The following ZNF460 variants were observed in gnomAD, a reference collection of about 807,000 sequenced individuals.
ZNF460 encodes the protein zinc finger protein 460.
A neutral mutation model predicts 8.4 loss-of-function variants in ZNF460; 1 was observed. That is an observed-to-expected ratio of 0.12 (90% CI 0.04 to 0.56). The LOEUF (loss-of-function observed/expected upper bound fraction) is 0.56, where lower values mean the gene tolerates loss of function less well. Ranked by LOEUF, ZNF460 falls within the 20% of genes least tolerant of loss-of-function variation. The pLI is 0.91. For synonymous variants in ZNF460, 262 were observed against 259.9 expected, an observed-to-expected ratio of 1.01 and a Z score of -0.08; for missense variants, 477 against 714.8, an observed-to-expected ratio of 0.67 and a Z score of 3.79.
At chr19:57,289,236 C>T (rs2046392442) in intron 2 of ZNF460, among the ~76,000 whole-genome samples, 1 of 152,108 alleles carries the variant, frequency 6.6e-6, no homozygotes, top group African/African-American at 2.4e-5. Context: ...GGATTCTGTT[C>T]ACCCTCTGTC....
intron 1 of ZNF460, among the ~76,000 whole-genome samples, chr19:57,283,011 A>G (rs1285192754): frequency 1.3e-5 from 2 of 151,646 alleles, no homozygotes; most frequent in African/African-American, 2.4e-5. Context: ...AGAGAGAGAC[A>G]TGAACACATG....
At position 57,280,709 on chromosome 19, in the gene ZNF460, T is replaced by C. The variant is rs1426981679; in HGVS notation, c.-98T>C. The C allele has an allele frequency of 6.5e-7, 1 of 1,547,936 alleles. No homozygotes were observed. The highest frequency in any genetic ancestry group is 1.9e-5 in the Admixed American group (1 of 53,382). On this transcript the variant is annotated 5_prime_UTR_variant, in exon 1 of 3. Coordinates refer to ENST00000360338, the MANE Select transcript of ZNF460 (RefSeq NM_006635.4). ...GCCTTGGGCCTTGTGCGCATTTTTT[T>C]CGGGGGAAAACTGAGGCTCGGAGTG...
Position 57,284,235 on chromosome 19 carries a change from A to T in ZNF460, c.31-316A>T, listed in dbSNP as rs7245755. Among the ~76,000 whole-genome samples the T allele has an allele frequency of 0.028, 4,161 of 148,306 alleles. 79 individuals are homozygous for T. The highest frequency in any genetic ancestry group is 0.055 in the South Asian group (257 of 4,698). ...TTATTTATTTTTTATTTATTTATTT[A>T]TTTTTTTTTGAGACAGAGTCTTGCT... On this transcript the variant is annotated intron_variant, in intron 1 of 2. Coordinates refer to ENST00000360338, the MANE Select transcript of ZNF460 (RefSeq NM_006635.4).
chr19:57,291,557 T>C lies in ZNF460; in HGVS notation c.1016T>C (p.Leu339Pro). ...IHTGERPFKC[L>P]ECGKAFNCRS... ...ACTGGGGAGAGGCCCTTTAAGTGCC[T>C]TGAGTGTGGGAAGGCCTTCAACTGC... The change falls in exon 3 of 3, where the codon CTT (leucine) becomes CCT (proline). Residue 339 changes from leucine (L) to proline (P), a missense_variant. By Grantham distance (98) the Leu-to-Pro change is moderately conservative. This residue lies in a region of ZNF460 where 193 missense variants were observed against 391.7 expected (regional missense o/e 0.49). Coordinates refer to ENST00000360338, the MANE Select transcript of ZNF460 (RefSeq NM_006635.4). This position sits in a 1 kb window ranked among gnomAD's most constrained non-coding sequence, Gnocchi z 8.4. 1 of 1,613,952 alleles carries C rather than the reference T, an allele frequency of 6.2e-7. No homozygotes were observed. Among genetic ancestry groups the C allele is most frequent in the South Asian group, 1.1e-5 (1 of 91,078 alleles).
rs71293946 is a variant in ZNF460, at chr19:57,281,556, A to ATTTT, written c.30+744_30+747dup. On this transcript the variant is annotated intron_variant, in intron 1 of 2. Coordinates refer to ENST00000360338, the MANE Select transcript of ZNF460 (RefSeq NM_006635.4). ...AACCCTCAGTTCGTTTAACCCTGAAATTTTTTTTTTTTTTTTTTTTTTTTT... is the reference window on the plus strand; with the variant it reads ...AACCCTCAGTTCGTTTAACCCTGAAATTTTTTTTTTTTTTTTTTTTTTTTTTTTT... 1.2e-3 allele frequency among the ~76,000 whole-genome samples: 102 copies of ATTTT among 85,064 alleles called. 10 individuals are homozygous for ATTTT. Among genetic ancestry groups the ATTTT allele is most frequent in the African/African-American group, 3.9e-3 (80 of 20,542 alleles). The allele number at this position is 85,064 out of a possible 152,430, so 55.8% of individuals were successfully genotyped here.
intron 2 of ZNF460, among the ~76,000 whole-genome samples, chr19:57,284,943 A>G (rs2087869051): frequency 6.6e-6 from 1 of 151,732 alleles, no homozygotes; most frequent in African/African-American, 2.4e-5. Context: ...CAGCCTCCAG[A>G]GTAGCTGGGA....
Position 57,292,439 on chromosome 19 carries a change from G to A in ZNF460, c.*209G>A. 3.6e-6 allele frequency: 2 copies of A among 561,218 alleles called. No homozygotes were observed. Among genetic ancestry groups the A allele is most frequent in the Non-Finnish European group, 6.2e-6 (2 of 320,632 alleles). The allele number at this position is 561,218 out of a possible 1,614,324, so 34.8% of individuals were successfully genotyped here. ...CATCATTTGTCATCTAAACAATTATGTTAGAAATTGACACAGCCAAGAGTC... is the reference window on the plus strand; with the variant it reads ...CATCATTTGTCATCTAAACAATTATATTAGAAATTGACACAGCCAAGAGTC... On this transcript the variant is annotated 3_prime_UTR_variant, in exon 3 of 3. Coordinates refer to ENST00000360338, the MANE Select transcript of ZNF460 (RefSeq NM_006635.4).
At position 57,293,273 on chromosome 19, in the gene ZNF460, G is replaced by T. The variant is rs1325307065; in HGVS notation, c.*1043G>T. On this transcript the variant is annotated 3_prime_UTR_variant, in exon 3 of 3. Coordinates refer to ENST00000360338, the MANE Select transcript of ZNF460 (RefSeq NM_006635.4). ...TAGCTAAAGTAAGTTAAAAGATTAT[G>T]ATAAACTCAGAAAATAAACACAGAG... 1 of 152,142 alleles carries T rather than the reference G, an allele frequency of 6.6e-6. No individual in the cohort carries two copies. The highest frequency in any genetic ancestry group is 1.5e-5 in the Non-Finnish European group (1 of 68,022). The allele number at this position is 152,142 out of a possible 1,614,324, so 9.4% of individuals were successfully genotyped here.
intron 1 of ZNF460, among the ~76,000 whole-genome samples, chr19:57,283,986 C>A (rs2087860957): frequency 6.6e-6 from 1 of 152,038 alleles, no homozygotes; most frequent in African/African-American, 2.4e-5. Flanking sequence ...GGCATGTAAA[C>A]CTGTCAGCAT....
chr19:57,284,813 ATTT>A (rs755694218), intron 2 of ZNF460, 136 bp downstream of exon 2: 3,458 of 628,752 alleles, frequency 5.5e-3, no homozygotes, highest in East Asian at 9.3e-3. Flanking sequence ...GCTTTACTCT[ATTT>A]TTTTTTTTTT....
intron 1 of ZNF460, among the ~76,000 whole-genome samples, chr19:57,282,268 G>A (rs2122881946): frequency 6.6e-6 from 1 of 152,320 alleles, no homozygotes; most frequent in South Asian, 2.1e-4. Flanking sequence ...GTATGGTTAT[G>A]TTGCTGAATG....
chr19:57,280,472 C>G (rs1337483528), upstream of ZNF460: 1 of 340,788 alleles, frequency 2.9e-6, no homozygotes, highest in East Asian at 5.6e-5. Flanking sequence ...TCTCCGTGGG[C>G]CGGTTTGGCC....
At chr19:57,289,075 G>T (rs1370358516) in intron 2 of ZNF460, among the ~76,000 whole-genome samples, 1 of 151,662 alleles carries the variant, frequency 6.6e-6, no homozygotes, top group African/African-American at 2.4e-5. Flanking sequence ...AGTTTTTAGA[G>T]AATTGATAAT....
chr19:57,288,004 CA>C (rs918322683), intron 2 of ZNF460, among the ~76,000 whole-genome samples: 3 of 150,748 alleles, frequency 2.0e-5, no homozygotes, highest in Non-Finnish European at 4.4e-5. Flanking sequence ...AACAAACAAA[CA>C]AAAAAAACCA....
intron 1 of ZNF460, chr19:57,282,000 CTCT>C (rs2087844068): frequency 6.6e-6 from 1 of 152,196 alleles, no homozygotes; most frequent in Non-Finnish European, 1.5e-5. Context: ...TGTTTTTACC[CTCT>C]TCTTTACCCG....
intron 1 of ZNF460, chr19:57,281,852 T>C (rs1261606201): frequency 6.6e-6 from 1 of 152,030 alleles, no homozygotes; most frequent in Non-Finnish European, 1.5e-5. Context: ...TCTTTAGAAT[T>C]AGGTTCTGTT....
At position 57,291,968 on chromosome 19, in the gene ZNF460, A is replaced by G. The variant is rs1362645195; in HGVS notation, c.1427A>G (p.Tyr476Cys). 6.2e-7 allele frequency: 1 copy of G among 1,612,516 alleles called. No homozygotes were observed. The highest frequency in any genetic ancestry group is 1.3e-5 in the African/African-American group (1 of 74,540). ...AGCATCCACACTGGAGAGAAGCCCT[A>G]TGAATGCGTGGAGTGCGGGAAGGCC... ...HFSIHTGEKP[Y>C]ECVECGKAFN... The change falls in exon 3 of 3, where the codon TAT (tyrosine) becomes TGT (cysteine). Residue 476 changes from tyrosine to cysteine, a missense_variant. Around this residue, in one of 5 missense-constraint regions of ZNF460, gnomAD observed 193 missense variants for 391.7 expected, o/e 0.49. Transcript: ENST00000360338. This position sits in a 1 kb window ranked among gnomAD's most constrained non-coding sequence, Gnocchi z 8.4.
In ZNF460 at chr19:57,292,269, A is replaced by G. The variant is rs1383039931; in HGVS notation, c.*39A>G. 4 of 1,550,298 alleles carry G rather than the reference A, an allele frequency of 2.6e-6. No homozygotes were observed. Among genetic ancestry groups the G allele is most frequent in the Non-Finnish European group, 3.5e-6 (4 of 1,145,334 alleles). On this transcript the variant is annotated 3_prime_UTR_variant, in exon 3 of 3. Coordinates refer to ENST00000360338, the MANE Select transcript of ZNF460 (RefSeq NM_006635.4). ...ACTTTTTACGTACACTTCAGTCAAC[A>G]TCCAAGAATTCCTATTAGCGAAATA...
Position 57,291,694 on chromosome 19 carries a change from G to A in ZNF460, c.1153G>A (p.Ala385Thr). 1.2e-6 allele frequency: 2 copies of A among 1,614,032 alleles called. No homozygotes were observed. The highest frequency in any genetic ancestry group is 1.7e-6 in the Non-Finnish European group (2 of 1,179,960). The stretch of plus-strand genomic sequence containing the variant: ...TTCCACCTATGTCCTGCATGAAAGA[G>A]CCCACACTGGAGAAAAGCCTTTTGA... ...HYSTYVLHER[A>T]HTGEKPFECK... The change falls in exon 3 of 3, where the codon GCC (alanine) becomes ACC (threonine). Residue 385 changes from alanine to threonine, a missense_variant. Transcript: ENST00000360338. This position sits in a 1 kb window ranked among gnomAD's most constrained non-coding sequence, Gnocchi z 8.4.
Sources: allele counts gnomAD v4.1 joint callset (sites outside exome capture counted in the v4.1 genomes callset), GRCh38; gene constraint gnomAD v4.1.1; regional missense constraint gnomAD v4.1.1; non-coding constraint Gnocchi (gnomAD v3.1); transcripts MANE v1.5; gene names NCBI Gene and HGNC (gene_info 2026-07-23, HGNC 2026-07-21).